MAP4K4: variants seen among roughly 807,000 people sequenced by gnomAD.
MAP4K4 encodes the protein HPK/GCK-like kinase HGK.
MAP4K4 carries 38 observed loss-of-function variants against 189.6 expected under a neutral mutation model. That is an observed-to-expected ratio of 0.20 (90% CI 0.15 to 0.26). The LOEUF is 0.26. MAP4K4 is among the 10% of genes least tolerant of loss of function. MAP4K4 has a pLI of 1.00. For missense variants in MAP4K4, 1,054 were observed against 1,726.9 expected, an observed-to-expected ratio of 0.61 and a Z score of 6.91; for synonymous variants, 610 against 624.3, an observed-to-expected ratio of 0.98 and a Z score of 0.34.
In MAP4K4 at chr2:101,807,698, G is replaced by A. The variant is rs557288363; in HGVS notation, c.181-16230G>A. ...TTGGAGAGGCCTCAGGAAGCTTCCA[G>A]TCATGTTGGAGGCAAAGGGGAGCAA... is the stretch of plus-strand genomic sequence containing the variant. On this transcript the variant is annotated intron_variant, in intron 3 of 32. Transcript: ENST00000324219. Among the ~76,000 whole-genome samples, 14 of 152,282 alleles carry A rather than the reference G, an allele frequency of 9.2e-5. No individual in the cohort carries two copies. In the South Asian group the frequency reaches 1.2e-3, roughly 14 times the overall value.
At chr2:101,790,121 G>A (rs1048105286) in intron 2 of MAP4K4, among the ~76,000 whole-genome samples, 48 of 152,146 alleles carry the variant, frequency 3.2e-4, no homozygotes, top group African/African-American at 9.7e-4. Context: ...CTTTCTTGCA[G>A]TCCCTACATT....
At chr2:101,702,097 G>A (rs1246854436) in intron 2 of MAP4K4, among the ~76,000 whole-genome samples, 1 of 152,098 alleles carries the variant, frequency 6.6e-6, no homozygotes, top group East Asian at 1.9e-4. Context: ...CTGGCCTCAA[G>A]TGATCTGCAC....
At chr2:101,732,322 G>C (rs1574463028) in intron 2 of MAP4K4, among the ~76,000 whole-genome samples, 1 of 152,138 alleles carries the variant, frequency 6.6e-6, no homozygotes, top group Non-Finnish European at 1.5e-5. Flanking sequence ...GCTTGTGTGG[G>C]GTGGGGCCAA....
chr2:101,737,449 ATATATATATATATTTTT>A (rs1558651845), intron 2 of MAP4K4, among the ~76,000 whole-genome samples: 1 of 33,494 alleles, frequency 3.0e-5, no homozygotes, highest in Admixed American at 3.9e-4. Context: ...ATATATATAT[ATATATATATATATTTTT>A]TTTTTTTTTT....
chr2:101,838,525 C>T (rs2096829397), intron 9 of MAP4K4, among the ~76,000 whole-genome samples: 1 of 152,210 alleles, frequency 6.6e-6, no homozygotes, highest in South Asian at 2.1e-4. Flanking sequence ...ATCATTCCTT[C>T]ACTCTGGAAT....
At chr2:101,767,780 C>G (rs545447825) in intron 2 of MAP4K4, among the ~76,000 whole-genome samples, 23 of 152,126 alleles carry the variant, frequency 1.5e-4, no homozygotes, top group Admixed American at 3.9e-4. Context: ...GTTGTCATAG[C>G]CTTTAATTAG....
intron 12 of MAP4K4, among the ~76,000 whole-genome samples, chr2:101,846,708 C>T (rs1287661958): frequency 6.6e-6 from 1 of 152,184 alleles, no homozygotes; most frequent in Non-Finnish European, 1.5e-5. Context: ...TATGGATTTT[C>T]AGTGTAAGTT....
rs375707154 is a variant in MAP4K4, at chr2:101,825,460, A to C, written c.417+31A>C. On this transcript the variant is annotated intron_variant, in intron 5 of 32. Coordinates refer to ENST00000324219, the Ensembl canonical transcript of MAP4K4. The stretch of plus-strand genomic sequence containing the variant: ...GAAAGTGGGTGGCTACAGTGCTCCA[A>C]CTCATGATCCTGTGCTTCCGTTTTC... 3.3e-5 allele frequency: 46 copies of C among 1,413,532 alleles called. No homozygotes were observed. The African/African-American group carries it at 6.1e-4, about 19-fold the overall frequency. 87.6% of individuals were successfully genotyped at this position (1,413,532 alleles called of 1,614,324 possible). A position where few individuals can be genotyped will look rare whatever the true frequency, so the allele number is the denominator to read the frequency against.
chr2:101,787,048 G>A (rs920927987), intron 2 of MAP4K4, among the ~76,000 whole-genome samples: 9 of 152,276 alleles, frequency 5.9e-5, no homozygotes, highest in African/African-American at 1.9e-4. Context: ...TGCTAGGTAT[G>A]TATATTTAAT....
At chr2:101,711,177 C>T (rs1306644636) in intron 2 of MAP4K4, among the ~76,000 whole-genome samples, 2 of 152,264 alleles carry the variant, frequency 1.3e-5, no homozygotes, top group Non-Finnish European at 2.9e-5. Flanking sequence ...CTGGTCCCCA[C>T]GACGTTAGGG....
chr2:101,891,925 C>T (rs1387190621), exon 33 of MAP4K4: 2 of 133,808 alleles, frequency 1.5e-5, no homozygotes, highest in African/African-American at 2.9e-5. Context: ...GGTGGGGGTC[C>T]TGGCCAAGAA....
At chr2:101,730,237 A>T (rs1243195157) in intron 2 of MAP4K4, among the ~76,000 whole-genome samples, 1 of 152,050 alleles carries the variant, frequency 6.6e-6, no homozygotes, top group African/African-American at 2.4e-5. Context: ...TAGTTGGTAG[A>T]TGGTCTTTGG....
chr2:101,808,206 C>T (rs1234849335), intron 3 of MAP4K4, among the ~76,000 whole-genome samples: 1 of 152,116 alleles, frequency 6.6e-6, no homozygotes, highest in African/African-American at 2.4e-5. Context: ...GCAGGGTAAC[C>T]GAAGATGAGG....
intron 2 of MAP4K4, among the ~76,000 whole-genome samples, chr2:101,790,025 G>A (rs1412288130): frequency 6.6e-6 from 1 of 152,120 alleles, no homozygotes; most frequent in Non-Finnish European, 1.5e-5. Context: ...TTAAAGAAGT[G>A]TATAAAGAAG....
At chr2:101,859,033 A>G in exon 14 of MAP4K4, 15 of 1,612,870 alleles carry the variant, frequency 9.3e-6, no homozygotes, top group Non-Finnish European at 1.3e-5. Context: ...GAGCAGCGGC[A>G]CTTGGAAGTC....
chr2:101,790,635 T>C, intron 2 of MAP4K4, 85 bp from the exon 3 acceptor site: 1 of 924,244 alleles, frequency 1.1e-6, no homozygotes, highest in Non-Finnish European at 1.7e-6. Flanking sequence ...TGAGATACGA[T>C]TTGTTGGAAA....
At chr2:101,729,243 A>T (rs1462057911) in intron 2 of MAP4K4, among the ~76,000 whole-genome samples, 1 of 81,628 alleles carries the variant, frequency 1.2e-5, no homozygotes, top group Non-Finnish European at 2.3e-5. Context: ...ATTTAATATT[A>T]TGCTTACAGT....
chr2:101,749,189 C>T (rs1358832789), intron 2 of MAP4K4, among the ~76,000 whole-genome samples: 2 of 151,718 alleles, frequency 1.3e-5, no homozygotes, highest in African/African-American at 4.8e-5. Flanking sequence ...CAAAAAAGAG[C>T]CTGCATTGCC....
intron 2 of MAP4K4, among the ~76,000 whole-genome samples, chr2:101,745,799 C>T (rs1364110226): frequency 6.6e-6 from 1 of 151,864 alleles, no homozygotes; most frequent in Non-Finnish European, 1.5e-5. Context: ...TAAAACACTG[C>T]CCTAGAATGT....
Sources: allele counts gnomAD v4.1 joint callset (sites outside exome capture counted in the v4.1 genomes callset), GRCh38; gene constraint gnomAD v4.1.1; transcripts MANE v1.5; gene names NCBI Gene and HGNC (gene_info 2026-07-23, HGNC 2026-07-21).